The following PCNT variants were observed in gnomAD, a reference collection of about 807,000 sequenced individuals.
The protein encoded by PCNT is kendrin.
In PCNT, 319 loss-of-function variants were observed where a neutral mutation model predicts 380.4. The ratio of observed to expected loss-of-function variants is 0.84; its 90% confidence interval spans 0.77 to 0.92. The LOEUF (loss-of-function observed/expected upper bound fraction) is 0.92, where lower values mean the gene tolerates loss of function less well. PCNT is among the 40% of genes least tolerant of loss of function. The probability of loss-of-function intolerance (pLI) is 0.00; values close to 1 mark genes in which losing one functional copy is unlikely to be tolerated. For synonymous variants in PCNT, 1,845 were observed against 1,735.2 expected (o/e 1.06, Z -1.57); for missense variants, 4,400 against 4,255.3 (o/e 1.03, Z -0.95).
In PCNT at chr21:46,359,678, G is replaced by A. The variant is rs201969068; in HGVS notation, c.2154+2487G>A. Among the ~76,000 whole-genome samples, 9 of 118,310 alleles carry A rather than the reference G, an allele frequency of 7.6e-5. No individual in the cohort carries two copies. In the East Asian group the frequency reaches 1.0e-3, roughly 13 times the overall value. The allele number at this position is 118,310 out of a possible 152,430, so 77.6% of individuals were successfully genotyped here. On this transcript the variant is annotated intron_variant, in intron 13 of 46. Transcript: ENST00000359568. ...TAATTTTTGTATTTTTAATAGAGACGGGGTTTCATTATGTTGGCCGGGCTG... is the reference window on the plus strand; with the variant it reads ...TAATTTTTGTATTTTTAATAGAGACAGGGTTTCATTATGTTGGCCGGGCTG...
chr21:46,388,726 G>T lies in PCNT; in HGVS notation c.3465-16G>T. 1 of 1,613,412 alleles carries T rather than the reference G, an allele frequency of 6.2e-7. No individual in the cohort carries two copies. Among genetic ancestry groups the T allele is most frequent in the South Asian group, 1.1e-5 (1 of 91,084 alleles). ...CCGTGACCAGCTTGCCTGATGATGG[G>T]TGTCTCCTGTCTCAGAGGGGCCCTC... On this transcript the variant is annotated splice_polypyrimidine_tract_variant and intron_variant, in intron 17 of 46. Transcript: ENST00000359568. This position sits in a 1 kb window ranked among gnomAD's most constrained non-coding sequence, Gnocchi z 4.2.
At chr21:46,432,605 TTA>T (rs2087815654) in intron 38 of PCNT, among the ~76,000 whole-genome samples, 1 of 152,222 alleles carries the variant, frequency 6.6e-6, no homozygotes, top group Non-Finnish European at 1.5e-5. Context: ...TGATCCACGA[TTA>T]CAGAATGTGT....
chr21:46,334,536 G>T lies in PCNT; in HGVS notation c.407G>T (p.Gly136Val). The change falls in exon 3 of 47, where the codon GGT becomes GTT. Residue 136 changes from glycine (G) to valine (V), a missense_variant. Transcript: ENST00000359568. ...GAACAGCATGGGATGTTCACAGTCG[G>T]TGACCACCCACCAGAACAGCGTGGG... ...PPEQHGMFTV[G>V]DHPPEQRGMF... is the part of the protein sequence containing the mutation. The T allele has an allele frequency of 6.2e-7, 1 of 1,600,942 alleles. No homozygotes were observed. Among genetic ancestry groups the T allele is most frequent in the Non-Finnish European group, 8.5e-7 (1 of 1,171,090 alleles).
At chr21:46,419,130 TCTAA>T (rs939576245) in intron 31 of PCNT, among the ~76,000 whole-genome samples, 4 of 144,530 alleles carry the variant, frequency 2.8e-5, no homozygotes, top group East Asian at 1.9e-4. Context: ...TTTGAGGTGC[TCTAA>T]CTTTTTAAAA....
At position 46,428,490 on chromosome 21, in the gene PCNT, G is replaced by T. The variant is rs768966172; in HGVS notation, c.7590G>T (p.Met2530Ile). 1 of 1,612,302 alleles carries T rather than the reference G, an allele frequency of 6.2e-7. No individual in the cohort carries two copies. The highest frequency in any genetic ancestry group is 8.5e-7 in the Non-Finnish European group (1 of 1,179,812). The change falls in exon 35 of 47, where the codon ATG becomes ATT. Residue 2530 changes from methionine to isoleucine, a missense_variant. Transcript: ENST00000359568. ...AGGCGCTGCGTGCCCAGCTGCGCAT[G>T]ACGCACCTGCAGAACCAGGAGAAGC... ...EIQALRAQLR[M>I]THLQNQEKLQ...
chr21:46,324,661 T>G (rs1426952535), intron 1 of PCNT, among the ~76,000 whole-genome samples: 2 of 149,236 alleles, frequency 1.3e-5, no homozygotes, highest in Non-Finnish European at 1.5e-5. Context: ...ACGGAGGGGG[T>G]GGGGCGCGGC....
chr21:46,345,982 C>T (rs2084052939), intron 3 of PCNT, 146 bp from the exon 4 acceptor site: 1 of 760,360 alleles, frequency 1.3e-6, no homozygotes, highest in Non-Finnish European at 2.3e-6. Context: ...ATTTGGGTTG[C>T]TCCCACCTTC....
At chr21:46,360,369 G>A (rs140956822) in intron 13 of PCNT, among the ~76,000 whole-genome samples, 4 of 138,788 alleles carry the variant, frequency 2.9e-5, no homozygotes, top group East Asian at 4.3e-4. Flanking sequence ...GACTACAGGC[G>A]CCCGCCACCA....
rs1196903196 is a variant in PCNT, at chr21:46,326,378, T to A, written c.56T>A (p.Leu19His). ...CTACTTATCTACATTTTTGCGCAGC[T>A]TGCTCACTTCCGACAGAGAAAAACA... is the stretch of plus-strand genomic sequence containing the variant. ...RRKVEAGRTK[L>H]AHFRQRKTKG... The change falls in exon 2 of 47, where the codon CTT becomes CAT. Residue 19 changes from leucine (L) to histidine (H), a missense_variant and splice_region_variant. Coordinates refer to ENST00000359568, the MANE Select transcript of PCNT (RefSeq NM_006031.6). 2 of 1,614,044 alleles carry A rather than the reference T, an allele frequency of 1.2e-6. No homozygotes were observed. Among genetic ancestry groups the A allele is most frequent in the Non-Finnish European group, 1.7e-6 (2 of 1,180,018 alleles).
intron 19 of PCNT, 147 bp from the exon 20 acceptor site, chr21:46,390,523 G>A (rs948721507): frequency 2.5e-6 from 2 of 806,290 alleles, no homozygotes; most frequent in African/African-American, 1.7e-5. Flanking sequence ...TGGCTGAGAT[G>A]TGCTCAGGTC....
intron 27 of PCNT, among the ~76,000 whole-genome samples, chr21:46,402,702 C>T (rs2086469950): frequency 6.6e-6 from 1 of 152,142 alleles, no homozygotes; most frequent in African/African-American, 2.4e-5. Context: ...CGACCCCTGC[C>T]CCAAACTGCT....
chr21:46,440,817 T>C, intron 42 of PCNT, 38 bp from the exon 43 acceptor site: 1 of 1,240,336 alleles, frequency 8.1e-7, no homozygotes, highest in South Asian at 1.2e-5. Flanking sequence ...ACAGTCTTTG[T>C]TTCCTATGAT....
At chr21:46,370,323 C>G (rs2146971100) in intron 15 of PCNT, among the ~76,000 whole-genome samples, 1 of 152,092 alleles carries the variant, frequency 6.6e-6, no homozygotes, top group Non-Finnish European at 1.5e-5. Context: ...GTGGCGCGAC[C>G]AGATCTGTCC....
At chr21:46,444,073 C>A in intron 45 of PCNT, 125 bp downstream of exon 45, 1 of 1,040,122 alleles carries the variant, frequency 9.6e-7, no homozygotes, top group Non-Finnish European at 1.4e-6. Context: ...GGAAACTCTC[C>A]AGCGTGAGTC....
intron 15 of PCNT, among the ~76,000 whole-genome samples, chr21:46,368,462 G>A (rs572539780): frequency 2.0e-4 from 31 of 151,874 alleles, no homozygotes; most frequent in Middle Eastern, 3.4e-3. Context: ...AAAAAAAAGC[G>A]GTGATGGTTC....
Position 46,416,172 on chromosome 21 carries a change from C to T in PCNT, c.6254C>T (p.Thr2085Ile), listed in dbSNP as rs143986563. 5 of 1,614,072 alleles carry T rather than the reference C, an allele frequency of 3.1e-6. No homozygotes were observed. The African/African-American group carries it at 5.3e-5, about 17-fold the overall frequency. ...CTGAACCGTTTGCTGTATTCCATGA[C>T]CTTCCAGAATGTGGATGCTGCCGAC... ...EKLNRLLYSM[T>I]FQNVDAADTK... Residue 2085 changes from threonine to isoleucine, a missense_variant, in exon 30 of 47, where the codon ACC (threonine) becomes ATC (isoleucine). Physicochemically the swap from Thr to Ile is moderately conservative, Grantham distance 89 (BLOSUM62 -1). Transcript: ENST00000359568.
chr21:46,434,649 C>T (rs903674121), intron 38 of PCNT, among the ~76,000 whole-genome samples: 1 of 152,252 alleles, frequency 6.6e-6, no homozygotes. Flanking sequence ...TGACACGCTT[C>T]TCCCGGGCAC....
chr21:46,415,034 G>A (rs1299687074), intron 29 of PCNT, among the ~76,000 whole-genome samples: 1 of 152,252 alleles, frequency 6.6e-6, no homozygotes, highest in Non-Finnish European at 1.5e-5. Flanking sequence ...CATGCTTGGT[G>A]CTGAAGCCTG....
At chr21:46,373,545 C>T (rs1274933462) in intron 15 of PCNT, among the ~76,000 whole-genome samples, 2 of 147,282 alleles carry the variant, frequency 1.4e-5, no homozygotes, top group African/African-American at 5.1e-5. Context: ...GATTCTCCTG[C>T]CTCAGCCTCC....
Sources: allele counts gnomAD v4.1 joint callset (sites outside exome capture counted in the v4.1 genomes callset), GRCh38; gene constraint gnomAD v4.1.1; non-coding constraint Gnocchi (gnomAD v3.1); transcripts MANE v1.5; gene names NCBI Gene and HGNC (gene_info 2026-07-23, HGNC 2026-07-21).